NRDC: variants seen among roughly 807,000 people sequenced by gnomAD.
NRDC encodes the protein nardilysin convertase, also known as nardilysin.
Under a neutral mutation model 147.1 loss-of-function variants are expected in NRDC, and 54 were observed. That is an observed-to-expected ratio of 0.37 (90% CI 0.29 to 0.46). The LOEUF is 0.46. Ranked by LOEUF, NRDC falls within the 20% of genes least tolerant of loss-of-function variation. The pLI is 1.00. For synonymous variants in NRDC, 440 were observed against 482.1 expected (o/e 0.91, Z 1.14); for missense variants, 1,082 against 1,370.6 (o/e 0.79, Z 3.33).
chr1:51,856,993 T>C (rs1310758050), intron 1 of NRDC, among the ~76,000 whole-genome samples: 4 of 150,364 alleles, frequency 2.7e-5, no homozygotes, highest in Non-Finnish European at 5.9e-5. Flanking sequence ...TCTAGACACA[T>C]GAGACCTGAC....
rs1367179474 is a variant in NRDC, at chr1:51,827,797, A to T, written c.939T>A (p.Ser313Arg). ...TTACACATAAAGTACTCCTCTTACC[A>T]CTATCAACAGCTTCAACTTCACGGT... is the stretch of plus-strand genomic sequence containing the variant. ...AIDREVEAVD[S>R]EYQLARPSDA... Residue 313 changes from serine to arginine, a missense_variant and splice_region_variant, in exon 5 of 31, where the codon AGT becomes AGA. Physicochemically the swap from Ser to Arg is moderately radical, Grantham distance 110. This residue lies in a region of NRDC where 635 missense variants were observed against 923.8 expected (regional missense o/e 0.69). Coordinates refer to ENST00000352171, the MANE Select transcript of NRDC (RefSeq NM_001101662.2). 1.2e-6 allele frequency: 2 copies of T among 1,613,314 alleles called. No homozygotes were observed.
intron 7 of NRDC, among the ~76,000 whole-genome samples, chr1:51,823,267 G>A (rs1680287927): frequency 1.3e-5 from 2 of 152,144 alleles, no homozygotes; most frequent in African/African-American, 4.8e-5. Context: ...AGGACCTTAT[G>A]TAAGAATGAA....
At chr1:51,847,220 T>C (rs2149230857) in intron 1 of NRDC, among the ~76,000 whole-genome samples, 1 of 152,336 alleles carries the variant, frequency 6.6e-6, no homozygotes, top group South Asian at 2.1e-4. Flanking sequence ...AACCTCGAGC[T>C]AGGCACAGAG....
rs1680054850 is a variant in NRDC, at chr1:51,818,141, C to T, written c.1292-6G>A. 2 of 1,589,376 alleles carry T rather than the reference C, an allele frequency of 1.3e-6. No homozygotes were observed. The highest frequency in any genetic ancestry group is 8.5e-7 in the Non-Finnish European group (1 of 1,170,060). On this transcript the variant is annotated splice_region_variant and splice_polypyrimidine_tract_variant and intron_variant, in intron 9 of 30. Transcript: ENST00000352171. The stretch of plus-strand genomic sequence containing the variant: ...AATTTTTCTGATTGGAACAACTAAA[C>T]AAAAATATTTTCCAGAAGAACAGAT...
In NRDC at chr1:51,834,145, A is replaced by G. The variant is rs12749889; in HGVS notation, c.738T>C (p.Tyr246=). Residue 246 remains tyrosine, a synonymous_variant, in exon 4 of 31, where the codon TAT becomes TAC. Transcript: ENST00000352171. ...EHMVFMGSLK[Y]PDENGFDAFL... ...AGGCATCAAATCCATTCTCATCTGG[A>G]TATTTCAAACTACCCATGAATACCA... The G allele has an allele frequency of 2.5e-6, 4 of 1,614,050 alleles. No homozygotes were observed. Among genetic ancestry groups the G allele is most frequent in the Admixed American group, 3.3e-5 (2 of 60,018 alleles).
intron 13 of NRDC, 65 bp downstream of exon 13, chr1:51,814,486 G>C: frequency 2.0e-6 from 3 of 1,490,348 alleles, no homozygotes; most frequent in Non-Finnish European, 2.8e-6. Context: ...CATGTCTACC[G>C]GCAGCCTGAA....
chr1:51,852,254 C>T (rs1444746331), intron 1 of NRDC, among the ~76,000 whole-genome samples: 1 of 151,678 alleles, frequency 6.6e-6, no homozygotes, highest in East Asian at 1.9e-4. Flanking sequence ...CCCTGGCTAA[C>T]GCTTCTTAGT....
chr1:51,799,362 A>G lies in NRDC; in HGVS notation c.2442-951T>C, dbSNP rs938981250. Among the ~76,000 whole-genome samples the G allele has an allele frequency of 5.4e-5, 8 of 148,516 alleles. No homozygotes were observed. In the South Asian group the frequency reaches 1.5e-3, roughly 29 times the overall value. ...CCCTCCCCCAGCACCCCCACCCCCC[A>G]ACAGGCCCTGGTGTGTGATGTTCCC... On this transcript the variant is annotated intron_variant, in intron 21 of 30. Coordinates refer to ENST00000352171, the MANE Select transcript of NRDC (RefSeq NM_001101662.2).
chr1:51,800,699 G>C lies in NRDC; in HGVS notation c.2314-16C>G. 2 of 1,608,476 alleles carry C rather than the reference G, an allele frequency of 1.2e-6. No individual in the cohort carries two copies. Among genetic ancestry groups the C allele is most frequent in the Non-Finnish European group, 1.7e-6 (2 of 1,177,860 alleles). On this transcript the variant is annotated splice_polypyrimidine_tract_variant and intron_variant, in intron 20 of 30. Coordinates refer to ENST00000352171, the MANE Select transcript of NRDC (RefSeq NM_001101662.2). ...GAAACAGTAGCTAAAAGAAAAAGAA[G>C]GAAGCATTTTAAGAAGCATGGAAAT...
At chr1:51,842,165 C>G (rs574488725) in intron 1 of NRDC, among the ~76,000 whole-genome samples, 6 of 151,632 alleles carry the variant, frequency 4.0e-5, no homozygotes, top group Non-Finnish European at 8.8e-5. Flanking sequence ...AAATGAGACC[C>G]TGTCCCAAAA....
chr1:51,845,419 A>G (rs1043399969), intron 1 of NRDC, among the ~76,000 whole-genome samples: 3 of 152,014 alleles, frequency 2.0e-5, no homozygotes, highest in Non-Finnish European at 4.4e-5. Context: ...AATGGCGAAA[A>G]CCCGACTCTA....
intron 1 of NRDC, among the ~76,000 whole-genome samples, chr1:51,849,468 A>G (rs2149233360): frequency 6.6e-6 from 1 of 152,162 alleles, no homozygotes; most frequent in South Asian, 2.1e-4. Context: ...GTGGAACTTG[A>G]CATACTGATT....
chr1:51,817,308 C>G (rs1680013801), intron 10 of NRDC, among the ~76,000 whole-genome samples: 1 of 150,716 alleles, frequency 6.6e-6, no homozygotes, highest in South Asian at 2.1e-4. Context: ...GAGCCCCACC[C>G]CCCCTCCCAA....
At chr1:51,799,559 T>C (rs2149191063) in intron 21 of NRDC, among the ~76,000 whole-genome samples, 1 of 152,302 alleles carries the variant, frequency 6.6e-6, no homozygotes, top group South Asian at 2.1e-4. Flanking sequence ...CTGTTCACTA[T>C]TTATAGATGC....
At chr1:51,846,301 C>T (rs1416487798) in intron 1 of NRDC, among the ~76,000 whole-genome samples, 2 of 152,006 alleles carry the variant, frequency 1.3e-5, no homozygotes, top group African/African-American at 4.8e-5. Flanking sequence ...TTAATAGAGA[C>T]GGGGTTTTCA....
chr1:51,859,437 G>A (rs1202961134), intron 1 of NRDC, among the ~76,000 whole-genome samples: 1 of 152,222 alleles, frequency 6.6e-6, no homozygotes, highest in Non-Finnish European at 1.5e-5. Context: ...TGAGGCATGA[G>A]GACACATTCT....
At chr1:51,817,651 C>T (rs576832640) in intron 10 of NRDC, among the ~76,000 whole-genome samples, 3 of 152,326 alleles carry the variant, frequency 2.0e-5, no homozygotes, top group African/African-American at 4.8e-5. Flanking sequence ...AAACAATTCT[C>T]GTGCCTCAGC....
chr1:51,794,633 CACTGAGGCACCCA>C (rs754295122), intron 23 of NRDC, 23 bp from the exon 24 acceptor site: 2 of 1,611,380 alleles, frequency 1.2e-6, no homozygotes, highest in Admixed American at 3.3e-5. Context: ...CAGTATGGGT[CACTGAGGCACCCA>C]AAAACTATAA....
At chr1:51,853,351 T>C (rs945675936) in intron 1 of NRDC, among the ~76,000 whole-genome samples, 1 of 152,136 alleles carries the variant, frequency 6.6e-6, no homozygotes, top group African/African-American at 2.4e-5. Flanking sequence ...TGATTTTGCC[T>C]CTTGAGAGGA....
Sources: gnomAD v4.1 joint callset for allele counts (sites outside exome capture counted in the v4.1 genomes callset) on GRCh38, gnomAD v4.1.1 for gene constraint, gnomAD v4.1.1 regional missense constraint, MANE v1.5 for transcripts, NCBI Gene and HGNC (gene_info 2026-07-23, HGNC 2026-07-21) for gene names.